DLGAP1: variants seen among roughly 807,000 people sequenced by gnomAD.
The protein encoded by DLGAP1 is DLG associated protein 1.
In DLGAP1, 11 loss-of-function variants were observed where a neutral mutation model predicts 90.8. The ratio of observed to expected loss-of-function variants is 0.12; its 90% CI spans 0.08 to 0.20. The LOEUF is 0.20. Ranked by LOEUF, DLGAP1 falls within the 10% of genes least tolerant of loss-of-function variation. DLGAP1 has a pLI of 1.00. For synonymous variants in DLGAP1, 558 were observed against 540.7 expected (o/e 1.03, Z -0.44); for missense variants, 1,050 against 1,333.8 (o/e 0.79, Z 3.31).
chr18:4,276,624 A>T (rs1274346546), intron 1 of DLGAP1, among the ~76,000 whole-genome samples: 1 of 151,480 alleles, frequency 6.6e-6, no homozygotes, highest in African/African-American at 2.4e-5. Context: ...TGACAGAGCA[A>T]GACACCAGCT....
intron 8 of DLGAP1, among the ~76,000 whole-genome samples, chr18:3,571,875 A>G (rs2054812629): frequency 6.6e-6 from 1 of 152,088 alleles, no homozygotes; most frequent in South Asian, 2.1e-4. Flanking sequence ...ATTGTTTTCA[A>G]ATAGGAGTTA....
intron 2 of DLGAP1, among the ~76,000 whole-genome samples, chr18:4,096,524 T>A (rs1389936348): frequency 7.0e-6 from 1 of 143,688 alleles, no homozygotes; most frequent in Admixed American, 6.9e-5. Flanking sequence ...TTTGCCATTC[T>A]TTTTTTTTTT....
At chr18:3,528,533 T>A (rs536949620) in intron 10 of DLGAP1, among the ~76,000 whole-genome samples, 2 of 152,312 alleles carry the variant, frequency 1.3e-5, no homozygotes, top group African/African-American at 4.8e-5. Flanking sequence ...TTCATGTGTA[T>A]CTGTTCTATC....
chr18:3,665,006 G>A (rs1005861600), intron 7 of DLGAP1, among the ~76,000 whole-genome samples: 1 of 152,106 alleles, frequency 6.6e-6, no homozygotes, highest in Admixed American at 6.6e-5. Flanking sequence ...TGTCTGTGAC[G>A]GCAGCTAAGC....
rs568380833 is a variant in DLGAP1 at position 3,809,496 on chromosome 18, A to C, written c.1172+4563T>G. Among the ~76,000 whole-genome samples the C allele has an allele frequency of 3.9e-5, 6 of 152,330 alleles. No individual in the cohort carries two copies. In the South Asian group the frequency reaches 1.2e-3, roughly 32 times the overall value. ...ATGATTTGCCTTCAAGGCATTTAGAACTGAAAATAAATCTTCCTGAAGCCT... is the reference window on the plus strand; with the variant it reads ...ATGATTTGCCTTCAAGGCATTTAGACCTGAAAATAAATCTTCCTGAAGCCT... On this transcript the variant is annotated intron_variant, in intron 5 of 12. Transcript: ENST00000315677.
At chr18:4,331,004 T>A (rs961068023) in intron 1 of DLGAP1, among the ~76,000 whole-genome samples, 16 of 152,008 alleles carry the variant, frequency 1.1e-4, no homozygotes, top group Admixed American at 6.5e-4. Context: ...TTGCTTCTTA[T>A]GATGTGAGGC....
intron 1 of DLGAP1, among the ~76,000 whole-genome samples, chr18:4,441,142 C>T (rs2083527861): frequency 6.6e-6 from 1 of 152,190 alleles, no homozygotes; most frequent in South Asian, 2.1e-4. Context: ...AAATTGTGTC[C>T]TTATTGCAGA....
chr18:4,126,008 GT>G (rs2076227849), intron 2 of DLGAP1, among the ~76,000 whole-genome samples: 1 of 152,170 alleles, frequency 6.6e-6, no homozygotes, highest in South Asian at 2.1e-4. Flanking sequence ...TTCTGACCTA[GT>G]TCAGGCTTCC....
chr18:3,567,238 A>G (rs1209647427), intron 9 of DLGAP1, among the ~76,000 whole-genome samples: 1 of 152,124 alleles, frequency 6.6e-6, no homozygotes, highest in Non-Finnish European at 1.5e-5. Flanking sequence ...TTGGCAACCC[A>G]AGAGTACTGC....
chr18:3,833,461 T>C (rs1245856164), intron 4 of DLGAP1, among the ~76,000 whole-genome samples: 1 of 152,164 alleles, frequency 6.6e-6, no homozygotes, highest in East Asian at 1.9e-4. Flanking sequence ...CTCAAACTCC[T>C]GACCCTCAAG....
At chr18:4,151,538 C>A (rs1031222440) in intron 1 of DLGAP1, among the ~76,000 whole-genome samples, 2 of 152,108 alleles carry the variant, frequency 1.3e-5, no homozygotes, top group African/African-American at 4.8e-5. Flanking sequence ...TGATATTCTA[C>A]AATATACATT....
At chr18:3,910,687 G>A (rs1276007123) in intron 3 of DLGAP1, among the ~76,000 whole-genome samples, 4 of 152,256 alleles carry the variant, frequency 2.6e-5, no homozygotes, top group South Asian at 2.1e-4. Flanking sequence ...CTGCCTTTGC[G>A]GTGTCCGGGG....
intron 5 of DLGAP1, among the ~76,000 whole-genome samples, chr18:3,793,690 C>A (rs535319741): frequency 6.6e-6 from 1 of 152,120 alleles, no homozygotes; most frequent in Admixed American, 6.5e-5. Context: ...TGTGGCCACC[C>A]CTGCTCTCCT....
chr18:4,448,991 A>C (rs1467544162), intron 1 of DLGAP1, among the ~76,000 whole-genome samples: 1 of 152,130 alleles, frequency 6.6e-6, no homozygotes, highest in Non-Finnish European at 1.5e-5. Flanking sequence ...TCCACTTACA[A>C]ACCACATAGG....
chr18:4,124,028 C>T (rs1598439120), intron 2 of DLGAP1, among the ~76,000 whole-genome samples: 1 of 152,154 alleles, frequency 6.6e-6, no homozygotes, highest in South Asian at 2.1e-4. Flanking sequence ...GAAAGTCAAT[C>T]GCAAGAGAAT....
At position 4,057,357 on chromosome 18, in the gene DLGAP1, T is replaced by C. The variant is rs143612845; in HGVS notation, c.-158-52156A>G. Reference sequence around the variant, plus strand: ...GGTATATGACCTTGTAGGAACACTTTATTGGTAAGGGAAAAACACCTCAAG... The same window carrying C: ...GGTATATGACCTTGTAGGAACACTTCATTGGTAAGGGAAAAACACCTCAAG... On this transcript the variant is annotated intron_variant, in intron 2 of 12. Coordinates refer to ENST00000315677, the MANE Select transcript of DLGAP1 (RefSeq NM_004746.4). Among the ~76,000 whole-genome samples the C allele has an allele frequency of 3.0e-3, 460 of 152,262 alleles. 6 individuals carry two copies. Among genetic ancestry groups the C allele is most frequent in the Admixed American group, 0.021 (329 of 15,304 alleles).
chr18:3,790,283 T>TC (rs2065670144), intron 5 of DLGAP1, among the ~76,000 whole-genome samples: 1 of 151,862 alleles, frequency 6.6e-6, no homozygotes. Flanking sequence ...CTTTTTTTTT[T>TC]TTGAGACAGG....
chr18:4,053,007 T>C (rs35031365), intron 2 of DLGAP1, among the ~76,000 whole-genome samples: 31,028 of 152,082 alleles, frequency 0.2, 3,342 homozygotes, highest in Admixed American at 0.27. Flanking sequence ...TCTAGGGAGT[T>C]CCAAACTTTC....
At chr18:4,381,011 CATTTA>C (rs759333005) in intron 1 of DLGAP1, among the ~76,000 whole-genome samples, 1 of 152,192 alleles carries the variant, frequency 6.6e-6, no homozygotes, top group Non-Finnish European at 1.5e-5. Context: ...CAAGAATACT[CATTTA>C]ATTTATTTCC....
Sources: gnomAD v4.1 joint callset for allele counts (sites outside exome capture counted in the v4.1 genomes callset) on GRCh38, gnomAD v4.1.1 for gene constraint, MANE v1.5 for transcripts, NCBI Gene and HGNC (gene_info 2026-07-23, HGNC 2026-07-21) for gene names.